AKR1C4: variants seen among roughly 807,000 people sequenced by gnomAD.
The protein encoded by AKR1C4 is aldo-keto reductase family 1 member C4, also known as 3-alpha-HSD1.
AKR1C4 carries 44 observed loss-of-function variants against 41.0 expected under a neutral mutation model. The ratio of observed to expected loss-of-function variants is 1.07; its 90% CI spans 0.84 to 1.38. The LOEUF is 1.38. Ranked by LOEUF, AKR1C4 falls within the 40% of genes most tolerant of loss-of-function variation. The probability of loss-of-function intolerance (pLI) is 0.00; values close to 1 mark genes in which losing one functional copy is unlikely to be tolerated. For missense variants in AKR1C4, 438 were observed against 387.9 expected (o/e 1.13, Z -1.09); for synonymous variants, 165 against 137.7 (o/e 1.20, Z -1.39).
rs782659633 is a variant in AKR1C4, at chr10:5,206,447, T to C, written c.570+50T>C. ...TTTCTCTTCTCAATGTCCATCTTCC[T>C]GTCCTACTGCCTGGCTTCCATTTGT... On this transcript the variant is annotated intron_variant, in intron 5 of 8. Transcript: ENST00000263126. 5.0e-6 allele frequency: 8 copies of C among 1,610,964 alleles called. No individual in the cohort carries two copies. The South Asian group carries it at 5.5e-5, about 11-fold the overall frequency.
chr10:5,218,207 A>G (rs1194571845), intron 8 of AKR1C4, among the ~76,000 whole-genome samples: 6 of 152,366 alleles, frequency 3.9e-5, no homozygotes, highest in African/African-American at 1.4e-4. Context: ...CATATCACAT[A>G]TGACAATTTA....
chr10:5,201,327 G>T (rs1278569175), intron 2 of AKR1C4, among the ~76,000 whole-genome samples: 1 of 152,082 alleles, frequency 6.6e-6, no homozygotes, highest in African/African-American at 2.4e-5. Flanking sequence ...ATCTCATTGT[G>T]ATTTTAATTT....
At chr10:5,201,946 G>A (rs1386480412) in intron 2 of AKR1C4, among the ~76,000 whole-genome samples, 2 of 152,074 alleles carry the variant, frequency 1.3e-5, no homozygotes, top group East Asian at 3.9e-4. Flanking sequence ...TCTCTATTCT[G>A]TTTCATTGAT....
chr10:5,214,425 A>AT (rs1330057799), intron 7 of AKR1C4, among the ~76,000 whole-genome samples: 2 of 152,202 alleles, frequency 1.3e-5, no homozygotes, highest in African/African-American at 4.8e-5. Context: ...GTTACATAAC[A>AT]TTCAGTAATA....
chr10:5,212,599 C>T lies in AKR1C4; in HGVS notation c.571-17C>T, dbSNP rs183081289. 4 of 1,595,602 alleles carry T rather than the reference C, an allele frequency of 2.5e-6. No individual in the cohort carries two copies. In the African/African-American group the frequency reaches 4.0e-5, roughly 16 times the overall value. ...GTTTTGAATTATCTGATGCTTTTCT[C>T]TCTTGATCATCTAAAGGTAGAATGT... On this transcript the variant is annotated splice_polypyrimidine_tract_variant and intron_variant, in intron 5 of 8. Transcript: ENST00000263126.
In AKR1C4 at chr10:5,205,846, G is replaced by A; in HGVS notation, c.447+12G>A. 1 of 1,610,224 alleles carries A rather than the reference G, an allele frequency of 6.2e-7. No individual in the cohort carries two copies. The highest frequency in any genetic ancestry group is 8.5e-7 in the Non-Finnish European group (1 of 1,177,578). ...CTGCCACATGGGAGGTGAGTGCTTG[G>A]AGGACAGAGTACAGAAAAGGAAGAC... On this transcript the variant is annotated intron_variant, in intron 4 of 8. Transcript: ENST00000263126.
chr10:5,200,271 G>C lies in AKR1C4; in HGVS notation c.175G>C (p.Glu59Gln). The C allele has an allele frequency of 2.5e-6, 4 of 1,614,192 alleles. No individual in the cohort carries two copies. The highest frequency in any genetic ancestry group is 3.4e-6 in the Non-Finnish European group (4 of 1,180,006). The change falls in exon 2 of 9, where the codon GAG becomes CAG. Residue 59 changes from glutamate (E) to glutamine (Q), a missense_variant. Transcript: ENST00000263126. ...TTCTGCTTATTTATACAATAATGAG[G>C]AGCAGGTTGGACTGGCCATCCGAAG... ...IDSAYLYNNE[E>Q]QVGLAIRSKI...
At chr10:5,216,889 C>A in intron 8 of AKR1C4, 96 bp downstream of exon 8, 1 of 789,028 alleles carries the variant, frequency 1.3e-6, no homozygotes, top group Non-Finnish European at 2.1e-6. Flanking sequence ...GAGACAGAGG[C>A]CAGTGCAAGT....
chr10:5,202,047 G>T (rs1318366370), intron 2 of AKR1C4, among the ~76,000 whole-genome samples: 2 of 152,060 alleles, frequency 1.3e-5, no homozygotes, highest in African/African-American at 2.4e-5. Flanking sequence ...AATACCTCCA[G>T]ATTTCTTCTT....
intron 7 of AKR1C4, among the ~76,000 whole-genome samples, chr10:5,214,014 TTAATA>T (rs1279508333): frequency 5.4e-5 from 8 of 148,642 alleles, no homozygotes; most frequent in East Asian, 2.0e-4. Context: ...TGACAATATG[TTAATA>T]TATTATATAG....
At chr10:5,207,629 C>G (rs1472862841) in intron 5 of AKR1C4, 1 of 1,169,516 alleles carries the variant, frequency 8.6e-7, no homozygotes, top group Non-Finnish European at 1.2e-6. Context: ...CTAAGCTCAT[C>G]AACTCCTTGG....
intron 7 of AKR1C4, among the ~76,000 whole-genome samples, chr10:5,213,443 T>G (rs1389616933): frequency 6.6e-6 from 1 of 152,162 alleles, no homozygotes. Context: ...TTTTCTGAAG[T>G]GAGGAGTTGG....
At chr10:5,214,705 T>C (rs1832630017) in intron 7 of AKR1C4, among the ~76,000 whole-genome samples, 1 of 152,208 alleles carries the variant, frequency 6.6e-6, no homozygotes, top group African/African-American at 2.4e-5. Context: ...TTTTCTAATC[T>C]ATGCAAATAT....
At position 5,216,017 on chromosome 10, in the gene AKR1C4, A is replaced by T. The variant is rs536010696; in HGVS notation, c.847-694A>T. On this transcript the variant is annotated intron_variant, in intron 7 of 8. Coordinates refer to ENST00000263126, the MANE Select transcript of AKR1C4 (RefSeq NM_001818.5). Reference sequence around the variant, plus strand: ...ACCCGAGGCCAGATAAAATATGCCGAAAGTTGTTTTGACTTACCATTTTGC... The same window carrying T: ...ACCCGAGGCCAGATAAAATATGCCGTAAGTTGTTTTGACTTACCATTTTGC... 1.2e-4 allele frequency among the ~76,000 whole-genome samples: 19 copies of T among 152,340 alleles called. No homozygotes were observed. The South Asian group carries it at 3.9e-3, about 32-fold the overall frequency.
At chr10:5,215,154 A>G (rs1194147444) in intron 7 of AKR1C4, among the ~76,000 whole-genome samples, 1 of 152,196 alleles carries the variant, frequency 6.6e-6, no homozygotes, top group Non-Finnish European at 1.5e-5. Context: ...TGACTGGTTC[A>G]TGTACTTATA....
chr10:5,201,475 G>A (rs535792264), intron 2 of AKR1C4, among the ~76,000 whole-genome samples: 1 of 152,172 alleles, frequency 6.6e-6, no homozygotes, highest in South Asian at 2.1e-4. Flanking sequence ...TTGGTGACTT[G>A]AGTTCCTTGT....
rs534769965 is a variant in AKR1C4, at chr10:5,200,261, CAAT to C, written c.169_171del (p.Asn57del). Reference sequence around the variant, plus strand: ...GCCATATTGATTCTGCTTATTTATACAATAATGAGGAGCAGGTTGGACTGGCCA... The same window carrying C: ...GCCATATTGATTCTGCTTATTTATACAATGAGGAGCAGGTTGGACTGGCCA... On this transcript the variant is annotated inframe_deletion, in exon 2 of 9. Coordinates refer to ENST00000263126, the MANE Select transcript of AKR1C4 (RefSeq NM_001818.5). 2.3e-4 allele frequency: 367 copies of C among 1,614,178 alleles called. No homozygotes were observed. In the African/African-American group the frequency reaches 4.5e-3, roughly 20 times the overall value.
chr10:5,212,895 G>T (rs540394686), intron 6 of AKR1C4, 99 bp from the exon 7 acceptor site: 4 of 1,490,978 alleles, frequency 2.7e-6, no homozygotes, highest in East Asian at 4.7e-5. Flanking sequence ...CCTCACTTGA[G>T]AGGCTCTGGT....
chr10:5,203,735 G>A (rs782505481), intron 2 of AKR1C4, among the ~76,000 whole-genome samples: 4 of 152,142 alleles, frequency 2.6e-5, no homozygotes, highest in Non-Finnish European at 5.9e-5. Flanking sequence ...AAGTGGGAGA[G>A]GCATGCTAAC....
Sources: allele counts gnomAD v4.1 joint callset (sites outside exome capture counted in the v4.1 genomes callset), GRCh38; gene constraint gnomAD v4.1.1; transcripts MANE v1.5; gene names NCBI Gene and HGNC (gene_info 2026-07-23, HGNC 2026-07-21).